GAS7: variants seen among roughly 807,000 people sequenced by gnomAD.
The protein encoded by GAS7 is growth arrest-specific protein 7.
Under a neutral mutation model 71.1 loss-of-function variants are expected in GAS7, and 28 were observed. The ratio of observed to expected loss-of-function variants is 0.39; its 90% CI spans 0.29 to 0.54. GAS7 has a LOEUF of 0.54. Ranked by LOEUF, GAS7 falls within the 20% of genes least tolerant of loss-of-function variation. The pLI is 0.62. For synonymous variants in GAS7, 258 were observed against 245.8 expected, an observed-to-expected ratio of 1.05 and a Z score of -0.46; for missense variants, 436 against 627.8, an observed-to-expected ratio of 0.69 and a Z score of 3.27.
intron 4 of GAS7, among the ~76,000 whole-genome samples, chr17:9,968,138 G>A (rs2069798483): frequency 6.6e-6 from 1 of 152,148 alleles, no homozygotes. Flanking sequence ...CTCAAATCAG[G>A]AGACAAAAGT....
intron 1 of GAS7, among the ~76,000 whole-genome samples, chr17:10,063,884 T>A (rs187841443): frequency 1.8e-4 from 28 of 152,170 alleles, no homozygotes; most frequent in Middle Eastern, 6.8e-3. Context: ...GGAAGCATCT[T>A]TTTTTCATCC....
intron 2 of GAS7, among the ~76,000 whole-genome samples, chr17:10,007,710 GT>G (rs2071597406): frequency 6.6e-6 from 1 of 150,380 alleles, no homozygotes; most frequent in African/African-American, 2.5e-5. Flanking sequence ...ACACAAGCCT[GT>G]TTTTAATGAC....
chr17:9,938,683 C>T (rs181999012), intron 8 of GAS7, among the ~76,000 whole-genome samples: 461 of 152,016 alleles, frequency 3.0e-3, no homozygotes, highest in Non-Finnish European at 5.0e-3. Context: ...TCTGTAGTTT[C>T]AGCCACCCAG....
chr17:10,196,272 T>C (rs1252469303), intron 1 of GAS7, among the ~76,000 whole-genome samples: 1 of 152,230 alleles, frequency 6.6e-6, no homozygotes, highest in Non-Finnish European at 1.5e-5. Context: ...GCATTACTAG[T>C]TGGGGAGCTG....
intron 5 of GAS7, among the ~76,000 whole-genome samples, chr17:9,947,758 A>G (rs2068844973): frequency 7.7e-6 from 1 of 129,146 alleles, no homozygotes; most frequent in Admixed American, 7.8e-5. Flanking sequence ...GAACGAAACT[A>G]TGTCTCAAAA....
intron 2 of GAS7, among the ~76,000 whole-genome samples, chr17:10,005,909 T>C (rs1454069478): frequency 1.3e-5 from 2 of 152,128 alleles, no homozygotes; most frequent in African/African-American, 4.8e-5. Flanking sequence ...CAAGCAAAAG[T>C]CATTCCTGAT....
Position 10,051,699 on chromosome 17 carries a change from G to A in GAS7, c.184-31802C>T, listed in dbSNP as rs146749616. 1.5e-3 allele frequency among the ~76,000 whole-genome samples: 230 copies of A among 152,220 alleles called. 2 individuals are homozygous for A. The highest frequency in any genetic ancestry group is 5.2e-3 in the African/African-American group (214 of 41,530). On this transcript the variant is annotated intron_variant, in intron 1 of 13. Coordinates refer to ENST00000432992, the MANE Select transcript of GAS7 (RefSeq NM_201433.2). ...TTGACCAAGAACTGCAAACAAACCA[G>A]TGCAAGACCCTGGCAAACTTCTGAA...
intron 1 of GAS7, among the ~76,000 whole-genome samples, chr17:10,183,582 G>A (rs1165592416): frequency 6.6e-6 from 1 of 152,236 alleles, no homozygotes; most frequent in Non-Finnish European, 1.5e-5. Flanking sequence ...GCTCACGCCT[G>A]TAATCCCAGC....
intron 1 of GAS7, among the ~76,000 whole-genome samples, chr17:10,156,485 A>T (rs2074206183): frequency 6.6e-6 from 1 of 152,308 alleles, no homozygotes. Context: ...TTAACATGGG[A>T]CAAAGCTCTA....
At chr17:10,030,942 G>C (rs1178419269) in intron 1 of GAS7, among the ~76,000 whole-genome samples, 1 of 152,172 alleles carries the variant, frequency 6.6e-6, no homozygotes, top group East Asian at 1.9e-4. Context: ...TCGCCATGGA[G>C]TGTCCGGCAT....
chr17:10,130,015 TA>T (rs2073983684), intron 1 of GAS7, among the ~76,000 whole-genome samples: 1 of 151,402 alleles, frequency 6.6e-6, no homozygotes, highest in African/African-American at 2.4e-5. Flanking sequence ...CTACTAAAAA[TA>T]CAATTAGCCA....
At chr17:10,174,903 T>G (rs2074361824) in intron 1 of GAS7, among the ~76,000 whole-genome samples, 1 of 152,048 alleles carries the variant, frequency 6.6e-6, no homozygotes, top group Non-Finnish European at 1.5e-5. Context: ...TGGAGTGCAG[T>G]GGCACAATCA....
At chr17:9,971,124 C>T (rs1050808816) in intron 3 of GAS7, among the ~76,000 whole-genome samples, 2 of 152,076 alleles carry the variant, frequency 1.3e-5, no homozygotes, top group Non-Finnish European at 2.9e-5. Flanking sequence ...AGGCAGGGTG[C>T]GGTAGCTCAC....
At chr17:10,119,480 G>A (rs552112990) in intron 1 of GAS7, among the ~76,000 whole-genome samples, 3 of 152,318 alleles carry the variant, frequency 2.0e-5, no homozygotes, top group African/African-American at 7.2e-5. Context: ...GGATTCCTAC[G>A]ACCATGCCAA....
intron 1 of GAS7, among the ~76,000 whole-genome samples, chr17:10,032,112 A>G (rs7216042): frequency 0.19 from 19,872 of 102,604 alleles, 1,226 homozygotes; most frequent in Middle Eastern, 0.23. Context: ...GGAACCTCAG[A>G]AAAAAAAAAA....
At chr17:10,016,384 C>CAAAAAAAA (rs1217937101) in intron 2 of GAS7, among the ~76,000 whole-genome samples, 20 of 71,350 alleles carry the variant, frequency 2.8e-4, no homozygotes, top group African/African-American at 5.9e-4. Flanking sequence ...GACTCCGTCT[C>CAAAAAAAA]AAAAAAAAAA....
rs772456611 is a variant in GAS7, at chr17:9,974,689, G to A, written c.386-4927C>T. 9.2e-5 allele frequency among the ~76,000 whole-genome samples: 14 copies of A among 152,280 alleles called. No homozygotes were observed. The highest frequency in any genetic ancestry group is 1.8e-4 in the Non-Finnish European group (12 of 68,016). ...AGCAACTTGAGAGGGCTTAGGAGGT[G>A]TCTAATGAGAGGAGGGGACAGATAT... is the stretch of plus-strand genomic sequence containing the variant. On this transcript the variant is annotated intron_variant, in intron 3 of 13. Transcript: ENST00000432992. This position sits in a 1 kb window ranked among gnomAD's most constrained non-coding sequence, Gnocchi z 4.0.
Position 9,959,160 on chromosome 17 carries a change from G to C in GAS7, c.525+42C>G. 2 of 1,603,750 alleles carry C rather than the reference G, an allele frequency of 1.2e-6. No individual in the cohort carries two copies. Among genetic ancestry groups the C allele is most frequent in the Non-Finnish European group, 1.7e-6 (2 of 1,173,308 alleles). ...GGCAACAGCCCAGCCAAATGCCCCA[G>C]CTCGCAGCCCACCCTGAGGGCGCCC... On this transcript the variant is annotated intron_variant, in intron 5 of 13. Transcript: ENST00000432992. This position sits in a 1 kb window ranked among gnomAD's most constrained non-coding sequence, Gnocchi z 5.0.
chr17:9,971,901 C>T (rs946789322), intron 3 of GAS7, among the ~76,000 whole-genome samples: 5 of 152,178 alleles, frequency 3.3e-5, no homozygotes, highest in African/African-American at 1.2e-4. Context: ...GATGATGAAG[C>T]CCGTTCCACG....
Sources: gnomAD v4.1 joint callset for allele counts (sites outside exome capture counted in the v4.1 genomes callset) on GRCh38, gnomAD v4.1.1 for gene constraint, Gnocchi (gnomAD v3.1) non-coding constraint, MANE v1.5 for transcripts, NCBI Gene and HGNC (gene_info 2026-07-23, HGNC 2026-07-21) for gene names.